The following KSR1 variants were observed in gnomAD, a reference collection of about 807,000 sequenced individuals.
The protein encoded by KSR1 is kinase suppressor of ras 1.
KSR1 carries 35 observed loss-of-function variants against 92.9 expected under a neutral mutation model. That is an observed-to-expected ratio of 0.38 (90% CI 0.29 to 0.50). The LOEUF (loss-of-function observed/expected upper bound fraction) is 0.50. Among genes scored for constraint, KSR1 ranks in the 20% least tolerant of loss-of-function variants. The pLI is 0.94. For synonymous variants in KSR1, 467 were observed against 472.6 expected (o/e 0.99, Z 0.15); for missense variants, 972 against 1,158.5 (o/e 0.84, Z 2.34).
chr17:27,564,747 C>G (rs1393506654), intron 2 of KSR1, among the ~76,000 whole-genome samples: 3 of 137,988 alleles, frequency 2.2e-5, no homozygotes, highest in Non-Finnish European at 4.7e-5. Flanking sequence ...CCCCCCCCCC[C>G]CACCTCCCCC....
intron 10 of KSR1, 76 bp from the exon 11 acceptor site, chr17:27,601,284 C>T (rs1043676935): frequency 1.3e-4 from 171 of 1,307,904 alleles, no homozygotes; most frequent in East Asian, 1.4e-4. Context: ...CCTCCCAAGC[C>T]GGTACCTGCA....
chr17:27,537,468 A>G (rs1339945560), intron 1 of KSR1, among the ~76,000 whole-genome samples: 2 of 152,198 alleles, frequency 1.3e-5, no homozygotes, highest in Admixed American at 6.5e-5. Flanking sequence ...GAGGCGGCAG[A>G]TCGCCTGAGG....
Position 27,476,110 on chromosome 17 carries a change from AG to A in KSR1, c.231+19238del, listed in dbSNP as rs2068334491. Among the ~76,000 whole-genome samples the A allele has an allele frequency of 3.3e-5, 5 of 152,324 alleles. No homozygotes were observed. The South Asian group carries it at 1.0e-3, about 32-fold the overall frequency. On this transcript the variant is annotated intron_variant, in intron 1 of 20. Coordinates refer to ENST00000644974, the MANE Select transcript of KSR1 (RefSeq NM_001394583.1). ...ACCTCCTAGCTATCAGGCTCTGAGAAGGTGCTTGGGTAGAGCAGTGGACTGG... is the reference window on the plus strand; with the variant it reads ...ACCTCCTAGCTATCAGGCTCTGAGAAGTGCTTGGGTAGAGCAGTGGACTGG...
At chr17:27,546,243 A>C (rs897258619) in intron 1 of KSR1, among the ~76,000 whole-genome samples, 18 of 152,316 alleles carry the variant, frequency 1.2e-4, no homozygotes, top group South Asian at 4.1e-4. Flanking sequence ...AACTGGGGAT[A>C]TGAGGGAAAT....
intron 1 of KSR1, among the ~76,000 whole-genome samples, chr17:27,540,094 T>C (rs562930466): frequency 5.9e-4 from 90 of 152,364 alleles, no homozygotes; most frequent in Non-Finnish European, 5.1e-4. Context: ...CCTCATAGTC[T>C]TCTTTCCCTG....
intron 1 of KSR1, among the ~76,000 whole-genome samples, chr17:27,463,436 T>C (rs1315907021): frequency 4.0e-5 from 6 of 149,610 alleles, no homozygotes; most frequent in Non-Finnish European, 8.9e-5. Context: ...GACCTGAGAT[T>C]GCATCATTGC....
intron 9 of KSR1, 44 bp from the exon 10 acceptor site, chr17:27,597,224 G>A (rs926030494): frequency 1.3e-6 from 2 of 1,546,622 alleles, no homozygotes; most frequent in South Asian, 1.2e-5. Flanking sequence ...GAGGCAGGTG[G>A]GGCCAGGACA....
intron 2 of KSR1, among the ~76,000 whole-genome samples, chr17:27,562,639 C>G: frequency 6.6e-6 from 1 of 152,178 alleles, no homozygotes; most frequent in Admixed American, 6.5e-5. Flanking sequence ...CAAGATTGCT[C>G]TAGAACAGAT....
At chr17:27,574,325 TC>T (rs1231823358) in intron 2 of KSR1, among the ~76,000 whole-genome samples, 1 of 152,230 alleles carries the variant, frequency 6.6e-6, no homozygotes, top group Non-Finnish European at 1.5e-5. Flanking sequence ...CTAATCTGCC[TC>T]CCCTGCTGGT....
chr17:27,568,240 T>C (rs2072163523), intron 2 of KSR1, among the ~76,000 whole-genome samples: 1 of 152,210 alleles, frequency 6.6e-6, no homozygotes, highest in South Asian at 2.1e-4. Flanking sequence ...GGAGCCTGGT[T>C]CTTCTGTCTC....
intron 11 of KSR1, among the ~76,000 whole-genome samples, 154 bp from the exon 12 acceptor site, chr17:27,603,680 C>T (rs1309643961): frequency 1.3e-5 from 2 of 152,162 alleles, no homozygotes; most frequent in Non-Finnish European, 2.9e-5. Context: ...TATGGAAGGG[C>T]CCAGGCTGGT....
chr17:27,467,178 G>A (rs1189960476), intron 1 of KSR1, among the ~76,000 whole-genome samples: 4 of 152,190 alleles, frequency 2.6e-5, no homozygotes, highest in Non-Finnish European at 4.4e-5. Flanking sequence ...TTGAACCCAG[G>A]CAGTCTTAAT....
intron 5 of KSR1, 25 bp downstream of exon 5, chr17:27,585,686 C>T (rs1395029952): frequency 2.6e-6 from 2 of 759,992 alleles, no homozygotes; most frequent in Non-Finnish European, 4.9e-6. Context: ...TTTCCATCCC[C>T]TCTACCACCT....
chr17:27,597,203 G>A (rs2073372255), intron 9 of KSR1, 65 bp from the exon 10 acceptor site: 1 of 1,506,914 alleles, frequency 6.6e-7, no homozygotes. Context: ...AAGGGAGGGT[G>A]TGGCTGGTGG....
Position 27,459,233 on chromosome 17 carries a change from TTGTC to T in KSR1, c.231+2364_231+2367del, listed in dbSNP as rs1567732481. Among the ~76,000 whole-genome samples, 1 of 152,190 alleles carries T rather than the reference TTGTC, an allele frequency of 6.6e-6. No individual in the cohort carries two copies. The highest frequency in any genetic ancestry group is 1.5e-5 in the Non-Finnish European group (1 of 68,036). On this transcript the variant is annotated intron_variant, in intron 1 of 20. Transcript: ENST00000644974. The surrounding 1 kb of genome is among the most constrained non-coding windows in gnomAD (Gnocchi z 4.6). ...CGAGACTGCTCACACCTGCAGCATTTTGTCTGTCAGTCCGTGCTGATACTACGAA... is the reference window on the plus strand; with the variant it reads ...CGAGACTGCTCACACCTGCAGCATTTTGTCAGTCCGTGCTGATACTACGAA...
chr17:27,610,095 G>A lies in KSR1; in HGVS notation c.2254G>A (p.Asp752Asn), dbSNP rs758553199. The A allele has an allele frequency of 3.1e-6, 5 of 1,613,864 alleles. No homozygotes were observed. Among genetic ancestry groups the A allele is most frequent in the African/African-American group, 1.3e-5 (1 of 74,938 alleles). Residue 752 changes from aspartate to asparagine, a missense_variant, in exon 17 of 21, where the codon GAC becomes AAC. Transcript: ENST00000644974. Reference protein sequence around the residue: ...RRENQLKLSHDWLCYLAPEIV... With the variant: ...RRENQLKLSHNWLCYLAPEIV... ...TGAGAACCAGCTAAAGCTGTCCCAC[G>A]ACTGGCTGTGCTATCTGGCCCCTGA...
intron 1 of KSR1, among the ~76,000 whole-genome samples, chr17:27,508,550 G>C (rs531479412): frequency 4.5e-4 from 69 of 151,954 alleles, no homozygotes; most frequent in African/African-American, 1.6e-3. Flanking sequence ...CTCCTCTCTG[G>C]GCTTATTGCC....
intron 2 of KSR1, chr17:27,566,525 G>A (rs1841722047): frequency 2.5e-6 from 1 of 399,146 alleles, no homozygotes; most frequent in East Asian, 3.6e-5. Context: ...CTCTGGGGAT[G>A]CCAAGAGAAG....
chr17:27,611,529 C>A lies in KSR1; in HGVS notation c.2393C>A (p.Pro798His). The A allele has an allele frequency of 6.2e-7, 1 of 1,613,860 alleles. No homozygotes were observed. Among genetic ancestry groups the A allele is most frequent in the East Asian group, 2.2e-5 (1 of 44,874 alleles). ...TATGAGCTGCAAGCAAGAGACTGGC[C>A]CTTGAAGAACCAGGCTGCAGAGGCA... ...VWYELQARDW[P>H]LKNQAAEASI... Residue 798 changes from proline to histidine, a missense_variant, in exon 18 of 21, where the codon CCC becomes CAC. By Grantham distance (77) the Pro-to-His change is moderately conservative. Coordinates refer to ENST00000644974, the MANE Select transcript of KSR1 (RefSeq NM_001394583.1).
Sources: gnomAD v4.1 joint callset for allele counts (sites outside exome capture counted in the v4.1 genomes callset) on GRCh38, gnomAD v4.1.1 for gene constraint, Gnocchi (gnomAD v3.1) non-coding constraint, MANE v1.5 for transcripts, NCBI Gene and HGNC (gene_info 2026-07-23, HGNC 2026-07-21) for gene names.